Variants in ARHGAP25 observed in about 807,000 individuals in gnomAD.
The protein encoded by ARHGAP25 is rho GTPase-activating protein 25.
ARHGAP25 carries 34 observed loss-of-function variants against 71.0 expected under a neutral mutation model. The ratio of observed to expected loss-of-function variants is 0.48; its 90% CI spans 0.36 to 0.64. The LOEUF (loss-of-function observed/expected upper bound fraction) is 0.64. Among genes scored for constraint, ARHGAP25 ranks in the 30% least tolerant of loss-of-function variants. The pLI, the probability that ARHGAP25 is intolerant of heterozygous loss-of-function variation, is 0.00. For missense variants in ARHGAP25, 706 were observed against 805.1 expected, an observed-to-expected ratio of 0.88 and a Z score of 1.49; for synonymous variants, 282 against 296.5, an observed-to-expected ratio of 0.95 and a Z score of 0.50.
chr2:68,751,540 C>T (rs1227085681), intron 1 of ARHGAP25, among the ~76,000 whole-genome samples: 1 of 152,198 alleles, frequency 6.6e-6, no homozygotes, highest in African/African-American at 2.4e-5. Flanking sequence ...CTGTTCCAAA[C>T]GACTTCAGAA....
chr2:68,746,729 G>A (rs999300953), intron 1 of ARHGAP25, among the ~76,000 whole-genome samples: 8 of 151,204 alleles, frequency 5.3e-5, no homozygotes, highest in South Asian at 2.1e-4. Context: ...CCACAGGGCC[G>A]GGCGCGGTGG....
chr2:68,756,246 G>A (rs1287483773), intron 1 of ARHGAP25, among the ~76,000 whole-genome samples: 1 of 152,224 alleles, frequency 6.6e-6, no homozygotes, highest in Non-Finnish European at 1.5e-5. Flanking sequence ...AGCAGCTTGT[G>A]CTCAACGTGC....
chr2:68,786,112 A>C (rs1038902792), intron 3 of ARHGAP25, among the ~76,000 whole-genome samples: 1 of 152,186 alleles, frequency 6.6e-6, no homozygotes, highest in Non-Finnish European at 1.5e-5. Context: ...TCATCAGGTC[A>C]TCAGCTCTCC....
intron 8 of ARHGAP25, 84 bp from the exon 9 acceptor site, chr2:68,819,039 G>A: frequency 8.0e-7 from 1 of 1,243,930 alleles, no homozygotes; most frequent in Non-Finnish European, 1.1e-6. Flanking sequence ...AACCGAGTTT[G>A]GAGACATCCA....
At chr2:68,804,206 G>A (rs1179827476) in intron 4 of ARHGAP25, among the ~76,000 whole-genome samples, 1 of 152,166 alleles carries the variant, frequency 6.6e-6, no homozygotes, top group African/African-American at 2.4e-5. Flanking sequence ...GCAAGGTGGA[G>A]CATCTCCTAT....
At chr2:68,818,297 G>A (rs1355506928) in intron 8 of ARHGAP25, among the ~76,000 whole-genome samples, 1 of 152,156 alleles carries the variant, frequency 6.6e-6, no homozygotes, top group Non-Finnish European at 1.5e-5. Context: ...GCCAGATTGA[G>A]CAAGCAGGTT....
chr2:68,752,697 T>G (rs1343489690), intron 1 of ARHGAP25, among the ~76,000 whole-genome samples: 1 of 152,138 alleles, frequency 6.6e-6, no homozygotes, highest in Non-Finnish European at 1.5e-5. Flanking sequence ...CAGAGGGCAC[T>G]AAGAGGAAGG....
upstream of ARHGAP25, among the ~76,000 whole-genome samples, chr2:68,733,977 A>G (rs1675095208): frequency 6.6e-6 from 1 of 152,260 alleles, no homozygotes; most frequent in Non-Finnish European, 1.5e-5. Context: ...GTCCCACAGC[A>G]GGAAAGCCAG....
At chr2:68,819,941 A>T (rs558567138) in intron 9 of ARHGAP25, among the ~76,000 whole-genome samples, 1 of 152,238 alleles carries the variant, frequency 6.6e-6, no homozygotes, top group South Asian at 2.1e-4. Context: ...ATATTTTTAC[A>T]AAGAACATGT....
intron 2 of ARHGAP25, among the ~76,000 whole-genome samples, chr2:68,775,953 G>GA (rs1677870742): frequency 6.6e-6 from 1 of 152,078 alleles, no homozygotes; most frequent in African/African-American, 2.4e-5. Flanking sequence ...GTTCTATGAG[G>GA]AAAAAATAGG....
At chr2:68,751,268 A>G (rs1418510902) in intron 1 of ARHGAP25, among the ~76,000 whole-genome samples, 1 of 152,188 alleles carries the variant, frequency 6.6e-6, no homozygotes, top group Non-Finnish European at 1.5e-5. Context: ...CTGACTCCCA[A>G]CCCAAACCTA....
chr2:68,740,682 T>G (rs1467538251), intron 1 of ARHGAP25, among the ~76,000 whole-genome samples: 7 of 152,224 alleles, frequency 4.6e-5, no homozygotes, highest in Non-Finnish European at 4.4e-5. Flanking sequence ...CAGCTCTCAA[T>G]ACTATGGACT....
At chr2:68,769,646 T>C (rs991257824) in intron 1 of ARHGAP25, among the ~76,000 whole-genome samples, 6 of 152,124 alleles carry the variant, frequency 3.9e-5, no homozygotes, top group African/African-American at 1.4e-4. Flanking sequence ...CGACAAAGGC[T>C]ACGATACACA....
intron 1 of ARHGAP25, among the ~76,000 whole-genome samples, chr2:68,736,905 G>T (rs991089575): frequency 6.6e-6 from 1 of 152,078 alleles, no homozygotes; most frequent in Non-Finnish European, 1.5e-5. Context: ...TGTGGTCTAT[G>T]TTCACTAGCC....
At chr2:68,738,994 C>T (rs1675371159) in intron 1 of ARHGAP25, among the ~76,000 whole-genome samples, 1 of 152,110 alleles carries the variant, frequency 6.6e-6, no homozygotes, top group Non-Finnish European at 1.5e-5. Flanking sequence ...AACATTTAGG[C>T]ATAAATTAAA....
intron 1 of ARHGAP25, among the ~76,000 whole-genome samples, chr2:68,744,422 G>A (rs1391186039): frequency 2.6e-5 from 4 of 152,010 alleles, no homozygotes; most frequent in Non-Finnish European, 4.4e-5. Flanking sequence ...CATATTTATT[G>A]GACACCTACT....
intron 4 of ARHGAP25, 167 bp from the exon 5 acceptor site, chr2:68,807,106 G>C: frequency 1.6e-6 from 1 of 633,106 alleles, no homozygotes; most frequent in South Asian, 2.0e-5. Context: ...AAATTTACAG[G>C]CCCCTATTTA....
chr2:68,773,613 C>T (rs1677634350), intron 1 of ARHGAP25, among the ~76,000 whole-genome samples: 1 of 152,122 alleles, frequency 6.6e-6, no homozygotes, highest in African/African-American at 2.4e-5. Context: ...AGGCGATGGA[C>T]TCATGTAACA....
chr2:68,734,517 T>A (rs371250781), upstream of ARHGAP25, among the ~76,000 whole-genome samples: 460 of 152,360 alleles, frequency 3.0e-3, 2 homozygotes, highest in South Asian at 0.014. Flanking sequence ...TTTGGGGGAA[T>A]GCTTGTTGTT....
Sources: gnomAD v4.1 joint callset for allele counts (sites outside exome capture counted in the v4.1 genomes callset) on GRCh38, gnomAD v4.1.1 for gene constraint, MANE v1.5 for transcripts, NCBI Gene and HGNC (gene_info 2026-07-23, HGNC 2026-07-21) for gene names.